LRRK2: variants seen among roughly 807,000 people sequenced by gnomAD.
The protein encoded by LRRK2 is leucine-rich repeat serine/threonine-protein kinase 2.
In LRRK2, 203 loss-of-function variants were observed where a neutral mutation model predicts 302.6. That is an observed-to-expected ratio of 0.67 (90% CI 0.60 to 0.75). LRRK2 has a LOEUF of 0.75. LRRK2 is among the 30% of genes least tolerant of loss of function. LRRK2 has a pLI of 0.00. For synonymous variants in LRRK2, 1,066 were observed against 1,031.9 expected (o/e 1.03, Z -0.63); for missense variants, 2,830 against 2,951.0 (o/e 0.96, Z 0.95).
chr12:40,323,087 C>A, intron 37 of LRRK2, 73 bp from the exon 38 acceptor site: 1 of 1,278,046 alleles, frequency 7.8e-7, no homozygotes, highest in Non-Finnish European at 1.1e-6. Flanking sequence ...ATTATTTTTT[C>A]ACATCAAAAC....
Position 40,309,116 on chromosome 12 carries a change from A to T in LRRK2, c.4200A>T (p.Glu1400Asp), listed in dbSNP as rs201587002. The T allele has an allele frequency of 9.9e-6, 16 of 1,613,608 alleles. No individual in the cohort carries two copies. Among genetic ancestry groups the T allele is most frequent in the African/African-American group, 9.3e-5 (7 of 74,878 alleles). Residue 1400 changes from glutamate (E) to aspartate (D), a missense_variant, in exon 30 of 51, where the codon GAA (glutamate) becomes GAT (aspartate). Physicochemically the swap from Glu to Asp is conservative, Grantham distance 45 (BLOSUM62 2). This residue lies in a region of LRRK2 where 2,121 missense variants were observed against 2,148.0 expected (regional missense o/e 0.99). Coordinates refer to ENST00000298910, the MANE Select transcript of LRRK2 (RefSeq NM_198578.4). ...CTAATCTTTATTTAGGTCGTGAGGAATTCTATAGTACTCATCCCCATTTTA... is the reference window on the plus strand; with the variant it reads ...CTAATCTTTATTTAGGTCGTGAGGATTTCTATAGTACTCATCCCCATTTTA... ...LNVWDFAGRE[E>D]FYSTHPHFMT...
intron 14 of LRRK2, among the ~76,000 whole-genome samples, chr12:40,274,109 A>G (rs1943348499): frequency 1.3e-5 from 2 of 152,210 alleles, no homozygotes; most frequent in South Asian, 4.1e-4. Flanking sequence ...GAAATAACGC[A>G]TGCAAAGCAC....
chr12:40,316,500 G>C (rs572071877), intron 33 of LRRK2: 1 of 225,440 alleles, frequency 4.4e-6, no homozygotes, highest in South Asian at 1.6e-4. Flanking sequence ...ACAGTAGTGT[G>C]ACCCAGAGCA....
chr12:40,289,644 A>G (rs1256673530), intron 20 of LRRK2, among the ~76,000 whole-genome samples: 4 of 151,100 alleles, frequency 2.6e-5, no homozygotes, highest in African/African-American at 9.7e-5. Context: ...TAGTTCAATT[A>G]GTCTTTTAAA....
intron 33 of LRRK2, among the ~76,000 whole-genome samples, chr12:40,317,130 T>A (rs1158980642): frequency 6.6e-6 from 1 of 152,092 alleles, no homozygotes; most frequent in East Asian, 1.9e-4. Flanking sequence ...AGTAATTAAG[T>A]TGAAACTCCA....
At chr12:40,313,810 T>A (rs1945113393) in intron 31 of LRRK2, among the ~76,000 whole-genome samples, 162 bp from the exon 32 acceptor site, 1 of 152,080 alleles carries the variant, frequency 6.6e-6, no homozygotes, top group Admixed American at 6.6e-5. Flanking sequence ...ACTTGTTCCT[T>A]ACAACCTAAA....
In LRRK2 at chr12:40,251,572, A is replaced by G. The variant is rs745435795; in HGVS notation, c.1181+28A>G. The G allele has an allele frequency of 4.5e-5, 70 of 1,546,386 alleles. 1 individual carries two copies. The Admixed American group carries it at 1.1e-3, about 25-fold the overall frequency. On this transcript the variant is annotated intron_variant, in intron 10 of 50. Transcript: ENST00000298910. ...TAGTAGTTTTGATTTTATATGATAG[A>G]AAATTTCAGTTATATTTTAAATCAA...
At position 40,295,511 on chromosome 12, in the gene LRRK2, A is replaced by T; in HGVS notation, c.2963A>T (p.Asp988Val). ...ASEREYITSL[D>V]LSANELRDID... is the part of the protein sequence containing the mutation. Reference sequence around the variant, plus strand: ...GAGAGAGAATATATTACATCACTAGACCTTTCAGCAAATGAACTAAGAGAT... The same window carrying T: ...GAGAGAGAATATATTACATCACTAGTCCTTTCAGCAAATGAACTAAGAGAT... The change falls in exon 23 of 51, where the codon GAC becomes GTC. Residue 988 changes from aspartate (D) to valine (V), a missense_variant. By Grantham distance (152) the Asp-to-Val change is radical. Around this residue, in one of 3 missense-constraint regions of LRRK2, gnomAD observed 2,121 missense variants for 2,148.0 expected, o/e 0.99. Transcript: ENST00000298910. 1 of 1,613,946 alleles carries T rather than the reference A, an allele frequency of 6.2e-7. No homozygotes were observed. The highest frequency in any genetic ancestry group is 8.5e-7 in the Non-Finnish European group (1 of 1,179,970).
chr12:40,277,907 C>A lies in LRRK2; in HGVS notation c.1961C>A (p.Ala654Glu), dbSNP rs759483355. 2 of 1,609,782 alleles carry A rather than the reference C, an allele frequency of 1.2e-6. No individual in the cohort carries two copies. Among genetic ancestry groups the A allele is most frequent in the Admixed American group, 3.3e-5 (2 of 59,896 alleles). ...TTTTAGGGATTTCAGACAATCTTAG[C>A]AATCCTCAAATTGTCAGCATCTTTT... is the stretch of plus-strand genomic sequence containing the variant. Reference protein sequence around the residue: ...IQTKGFQTILAILKLSASFSK... With the variant: ...IQTKGFQTILEILKLSASFSK... Residue 654 changes from alanine (A) to glutamate (E), a missense_variant, in exon 17 of 51, where the codon GCA (alanine) becomes GAA (glutamate). Coordinates refer to ENST00000298910, the MANE Select transcript of LRRK2 (RefSeq NM_198578.4).
At chr12:40,325,053 C>G (rs573352881) in intron 38 of LRRK2, among the ~76,000 whole-genome samples, 1 of 152,050 alleles carries the variant, frequency 6.6e-6, no homozygotes, top group Admixed American at 6.6e-5. Flanking sequence ...TTTGGGAGGC[C>G]GAGGTGGGTG....
intron 40 of LRRK2, among the ~76,000 whole-genome samples, chr12:40,338,727 G>A (rs1565762911): frequency 6.6e-6 from 1 of 152,086 alleles, no homozygotes; most frequent in Non-Finnish European, 1.5e-5. Flanking sequence ...TTTAGCCTTT[G>A]GAAAGTATTC....
Position 40,232,278 on chromosome 12 carries a change from G to C in LRRK2, c.242G>C (p.Gly81Ala). ...YMRVASVQQV[G>A]WSLLCKLIEV... Reference sequence around the variant, plus strand: ...ATATGTCTTTCTTGTTTTCAGGTGGGTTGGTCACTTCTGTGCAAATTAATA... The same window carrying C: ...ATATGTCTTTCTTGTTTTCAGGTGGCTTGGTCACTTCTGTGCAAATTAATA... Residue 81 changes from glycine to alanine, a missense_variant, in exon 3 of 51, where the codon GGT becomes GCT. Gly to Ala is a moderately conservative substitution (Grantham distance 60, BLOSUM62 0). Coordinates refer to ENST00000298910, the MANE Select transcript of LRRK2 (RefSeq NM_198578.4). 1 of 1,612,372 alleles carries C rather than the reference G, an allele frequency of 6.2e-7. No individual in the cohort carries two copies. The highest frequency in any genetic ancestry group is 8.5e-7 in the Non-Finnish European group (1 of 1,178,466).
chr12:40,229,955 C>CTTTTTTT (rs71078229), intron 2 of LRRK2, among the ~76,000 whole-genome samples: 1 of 92,924 alleles, frequency 1.1e-5, no homozygotes, highest in East Asian at 4.8e-4. Flanking sequence ...TCCTATGTGA[C>CTTTTTTT]TTTTTTTTTT....
chr12:40,276,935 C>T (rs1382121796), intron 16 of LRRK2, among the ~76,000 whole-genome samples: 2 of 152,124 alleles, frequency 1.3e-5, no homozygotes, highest in African/African-American at 4.8e-5. Context: ...TGGGCCCATC[C>T]TCCTGGGTGG....
intron 11 of LRRK2, among the ~76,000 whole-genome samples, chr12:40,255,978 TA>T (rs1395054659): frequency 6.6e-6 from 1 of 152,208 alleles, no homozygotes; most frequent in Non-Finnish European, 1.5e-5. Context: ...CTACTTATTT[TA>T]AAAGCAGTAC....
Position 40,235,787 on chromosome 12 carries a change from G to A in LRRK2, c.436+73G>A, listed in dbSNP as rs879059052. Reference sequence around the variant, plus strand: ...TTGATACCATTAAGTAAATGTGTGTGTGTGTGTTTTTTTTTTTTTTTTTTT... The same window carrying A: ...TTGATACCATTAAGTAAATGTGTGTATGTGTGTTTTTTTTTTTTTTTTTTT... On this transcript the variant is annotated intron_variant, in intron 4 of 50. Transcript: ENST00000298910. 5 of 608,530 alleles carry A rather than the reference G, an allele frequency of 8.2e-6. No individual in the cohort carries two copies. The South Asian group carries it at 8.7e-5, about 11-fold the overall frequency. The allele number at this position is 608,530 out of a possible 1,614,324, so 37.7% of individuals were successfully genotyped here.
chr12:40,328,448 G>A lies in LRRK2; in HGVS notation c.5745G>A (p.Arg1915=), dbSNP rs369673265. 31 of 1,608,666 alleles carry A rather than the reference G, an allele frequency of 1.9e-5. No individual in the cohort carries two copies. The East Asian group carries it at 6.7e-4, about 35-fold the overall frequency. Residue 1915 remains arginine (R), a synonymous_variant, in exon 39 of 51, where the codon AGG becomes AGA. Transcript: ENST00000298910. ...VKIFNKHTSL[R]LLRQELVVLC... ...TTTTTAATAAACATACATCACTCAG[G>A]CTGTTAAGACAAGTAAGAAATTCAA... is the stretch of plus-strand genomic sequence containing the variant.
chr12:40,296,993 A>T (rs1479258692), intron 23 of LRRK2, among the ~76,000 whole-genome samples: 1 of 152,090 alleles, frequency 6.6e-6, no homozygotes, highest in African/African-American at 2.4e-5. Context: ...ATAACACCTG[A>T]TGCTTTCCAC....
At chr12:40,255,014 G>A (rs555248556) in intron 11 of LRRK2, among the ~76,000 whole-genome samples, 15 of 152,234 alleles carry the variant, frequency 9.9e-5, no homozygotes, top group Middle Eastern at 3.4e-3. Context: ...GAAGAACTGC[G>A]TCCTTGGAAT....
Sources: gnomAD v4.1 joint callset for allele counts (sites outside exome capture counted in the v4.1 genomes callset) on GRCh38, gnomAD v4.1.1 for gene constraint, gnomAD v4.1.1 regional missense constraint, MANE v1.5 for transcripts, NCBI Gene and HGNC (gene_info 2026-07-23, HGNC 2026-07-21) for gene names.